Variants in SUSD3 observed in about 807,000 individuals in gnomAD.
The protein encoded by SUSD3 is sushi domain-containing protein 3.
Under a neutral mutation model 20.6 loss-of-function variants are expected in SUSD3, and 18 were observed. The ratio of observed to expected loss-of-function variants is 0.87; its 90% CI spans 0.60 to 1.30. The LOEUF (loss-of-function observed/expected upper bound fraction) is 1.30, where lower values mean the gene tolerates loss of function less well. Ranked by LOEUF, SUSD3 falls within the 50% of genes most tolerant of loss-of-function variation. SUSD3 has a pLI of 0.00. For missense variants in SUSD3, 306 were observed against 346.9 expected, an observed-to-expected ratio of 0.88 and a Z score of 0.94; for synonymous variants, 137 against 141.5, an observed-to-expected ratio of 0.97 and a Z score of 0.23.
intron 1 of SUSD3, among the ~76,000 whole-genome samples, chr9:93,073,619 A>C (rs1033353269): frequency 2.6e-4 from 39 of 152,166 alleles, no homozygotes; most frequent in African/African-American, 8.9e-4. Context: ...ATACCAGATA[A>C]GCAGGAGGAA....
At chr9:93,067,184 T>G (rs1825749977) in intron 1 of SUSD3, among the ~76,000 whole-genome samples, 1 of 152,216 alleles carries the variant, frequency 6.6e-6, no homozygotes, top group South Asian at 2.1e-4. Context: ...ACATGTGACC[T>G]TTTGTGTCTG....
intron 1 of SUSD3, among the ~76,000 whole-genome samples, chr9:93,059,655 G>C (rs1352949935): frequency 6.6e-6 from 1 of 152,140 alleles, no homozygotes; most frequent in Non-Finnish European, 1.5e-5. Context: ...CGTCTCAGGC[G>C]TTGCGGGGCT....
chr9:93,070,163 A>G (rs1825857745), intron 1 of SUSD3, among the ~76,000 whole-genome samples: 1 of 152,254 alleles, frequency 6.6e-6, no homozygotes, highest in Non-Finnish European at 1.5e-5. Context: ...CTGTTTATGT[A>G]GAGAAGATAC....
intron 1 of SUSD3, among the ~76,000 whole-genome samples, chr9:93,070,877 C>T (rs1049625317): frequency 6.6e-6 from 1 of 152,054 alleles, no homozygotes; most frequent in Non-Finnish European, 1.5e-5. Flanking sequence ...CATTATTCTT[C>T]CTTCTATTAT....
chr9:93,076,345 A>G (rs1023215649), intron 2 of SUSD3, among the ~76,000 whole-genome samples: 1 of 152,060 alleles, frequency 6.6e-6, no homozygotes, highest in African/African-American at 2.4e-5. Context: ...TCATTCATGT[A>G]CAGGTGCACA....
chr9:93,058,740 A>T lies in SUSD3; in HGVS notation c.-3A>T. The T allele has an allele frequency of 8.1e-7, 1 of 1,233,550 alleles. No individual in the cohort carries two copies. The highest frequency in any genetic ancestry group is 1.0e-6 in the Non-Finnish European group (1 of 988,114). 76.4% of individuals were successfully genotyped at this position (1,233,550 alleles called of 1,614,324 possible). On this transcript the variant is annotated 5_prime_UTR_variant, in exon 1 of 5. Transcript: ENST00000375472. ...CCCCGCCAAGCGCCTCGGAGCGCGC[A>T]GGATGCGCTGGGCGGCCGCCACCCT...
At chr9:93,061,913 A>G (rs1399343229) in intron 1 of SUSD3, among the ~76,000 whole-genome samples, 1 of 152,212 alleles carries the variant, frequency 6.6e-6, no homozygotes, top group South Asian at 2.1e-4. Flanking sequence ...AGCCTCAGCC[A>G]GCATAAAAGG....
intron 1 of SUSD3, among the ~76,000 whole-genome samples, chr9:93,068,868 T>A (rs1825814491): frequency 6.6e-6 from 1 of 150,870 alleles, no homozygotes; most frequent in African/African-American, 2.4e-5. Context: ...TCAGATACTA[T>A]ATATGTTGTT....
At chr9:93,070,777 C>G (rs1225844378) in intron 1 of SUSD3, among the ~76,000 whole-genome samples, 1 of 152,226 alleles carries the variant, frequency 6.6e-6, no homozygotes, top group Non-Finnish European at 1.5e-5. Context: ...TGGAGGTGGA[C>G]TAGGAGCCCC....
At chr9:93,082,650 A>G (rs538942519) in intron 4 of SUSD3, among the ~76,000 whole-genome samples, 120 of 152,208 alleles carry the variant, frequency 7.9e-4, no homozygotes, top group African/African-American at 2.8e-3. Flanking sequence ...TGTTGGGGCC[A>G]TGGTGGCTAA....
intron 1 of SUSD3, among the ~76,000 whole-genome samples, chr9:93,071,759 A>C (rs956158688): frequency 4.6e-5 from 7 of 152,130 alleles, no homozygotes; most frequent in African/African-American, 1.7e-4. Flanking sequence ...TGCTCCCTGG[A>C]GGGCAGGTTG....
rs751559669 is a variant in SUSD3 at position 93,075,744 on chromosome 9, C to A, written c.89-40C>A. On this transcript the variant is annotated intron_variant, in intron 1 of 4. Transcript: ENST00000375472. ...CCAGCCCTGCCCTGCGTGCCCACCC[C>A]CCCCCCCCCGCCATGCCTCATACCT... is the stretch of plus-strand genomic sequence containing the variant. 199 of 175,302 alleles carry A rather than the reference C, an allele frequency of 1.1e-3. 1 individual carries two copies. Among genetic ancestry groups the A allele is most frequent in the Middle Eastern group, 7.1e-3 (3 of 422 alleles). 10.9% of individuals were successfully genotyped at this position (175,302 alleles called of 1,614,324 possible). A position where few individuals can be genotyped will look rare whatever the true frequency, so the allele number is the denominator to read the frequency against.
At position 93,077,863 on chromosome 9, in the gene SUSD3, A is replaced by G. The variant is rs1463840893; in HGVS notation, c.295A>G (p.Thr99Ala). 1 of 1,614,048 alleles carries G rather than the reference A, an allele frequency of 6.2e-7. No individual in the cohort carries two copies. Among genetic ancestry groups the G allele is most frequent in the Admixed American group, 1.7e-5 (1 of 60,024 alleles). ...PVCKLVPPHETFGFKVAVIAS... is the reference protein window; with the variant it reads ...PVCKLVPPHEAFGFKVAVIAS... ...CCACACAGTGGTGCCACCACACGAG[A>G]CCTTTGGCTTCAAGGTGGCCGTGAT... The change falls in exon 3 of 5, where the codon ACC becomes GCC. Residue 99 changes from threonine to alanine, a missense_variant. By Grantham distance (58) the Thr-to-Ala change is moderately conservative (BLOSUM62 0). Coordinates refer to ENST00000375472, the MANE Select transcript of SUSD3 (RefSeq NM_145006.4).
chr9:93,066,223 A>T (rs1023878524), intron 1 of SUSD3, among the ~76,000 whole-genome samples: 3 of 152,192 alleles, frequency 2.0e-5, no homozygotes, highest in Non-Finnish European at 2.9e-5. Context: ...AAGCAAAAAA[A>T]GTATCTTCAG....
chr9:93,081,799 G>A (rs1826426275), intron 4 of SUSD3, among the ~76,000 whole-genome samples: 1 of 152,150 alleles, frequency 6.6e-6, no homozygotes, highest in Non-Finnish European at 1.5e-5. Flanking sequence ...GTGGTCTGAG[G>A]CCTCCAGGCT....
intron 1 of SUSD3, among the ~76,000 whole-genome samples, chr9:93,072,258 C>T (rs898285596): frequency 6.6e-6 from 1 of 152,204 alleles, no homozygotes; most frequent in Non-Finnish European, 1.5e-5. Flanking sequence ...ATGTCTGCCT[C>T]AACCCCTCCT....
At chr9:93,066,982 A>G (rs1463362857) in intron 1 of SUSD3, among the ~76,000 whole-genome samples, 3 of 152,166 alleles carry the variant, frequency 2.0e-5, no homozygotes, top group African/African-American at 7.2e-5. Context: ...TGCTGGGATT[A>G]CAGGTGTGAG....
Position 93,075,776 on chromosome 9 carries a change from C to T in SUSD3, c.89-8C>T, listed in dbSNP as rs749929374. The T allele has an allele frequency of 2.7e-5, 35 of 1,318,566 alleles. No individual in the cohort carries two copies. The East Asian group carries it at 1.3e-3, about 48-fold the overall frequency. The allele number at this position is 1,318,566 out of a possible 1,614,324, so 81.7% of individuals were successfully genotyped here. A position where few individuals can be genotyped will look rare whatever the true frequency, so the allele number is the denominator to read the frequency against. On this transcript the variant is annotated splice_region_variant and splice_polypyrimidine_tract_variant and intron_variant, in intron 1 of 4. Transcript: ENST00000375472. ...CCCGCCATGCCTCATACCTGCCTGT[C>T]TCCCCAGGCACGTGCGCTAAGCTGC... is the stretch of plus-strand genomic sequence containing the variant.
chr9:93,081,766 G>A (rs1383623204), intron 4 of SUSD3, among the ~76,000 whole-genome samples: 1 of 152,168 alleles, frequency 6.6e-6, no homozygotes, highest in Non-Finnish European at 1.5e-5. Context: ...TCTGCACTTA[G>A]CAACACGTTC....
Sources: gnomAD v4.1 joint callset for allele counts (sites outside exome capture counted in the v4.1 genomes callset) on GRCh38, gnomAD v4.1.1 for gene constraint, MANE v1.5 for transcripts, NCBI Gene and HGNC (gene_info 2026-07-23, HGNC 2026-07-21) for gene names.